RNF125: variants seen among roughly 807,000 people sequenced by gnomAD.
RNF125 encodes ring finger protein 125.
A neutral mutation model predicts 26.0 loss-of-function variants in RNF125; 21 were observed. The ratio of observed to expected loss-of-function variants is 0.81; its 90% CI spans 0.57 to 1.16. The LOEUF (loss-of-function observed/expected upper bound fraction) is 1.16. RNF125 is among the 50% of genes most tolerant of loss of function. RNF125 has a pLI of 0.00. For missense variants in RNF125, 270 were observed against 299.4 expected (o/e 0.90, Z 0.72); for synonymous variants, 95 against 109.2 (o/e 0.87, Z 0.81).
At chr18:32,037,463 C>T (rs1295097095) in intron 2 of RNF125, among the ~76,000 whole-genome samples, 194 bp downstream of exon 2, 1 of 150,086 alleles carries the variant, frequency 6.7e-6, no homozygotes, top group Non-Finnish European at 1.5e-5. Context: ...CCTCCGCCTC[C>T]CAGGTTCAAG....
chr18:32,059,721 T>C lies in RNF125; in HGVS notation c.505-6181T>C, dbSNP rs1225934582. Among the ~76,000 whole-genome samples, 3 of 152,212 alleles carry C rather than the reference T, an allele frequency of 2.0e-5. No individual in the cohort carries two copies. The East Asian group carries it at 5.8e-4, about 29-fold the overall frequency. On this transcript the variant is annotated intron_variant, in intron 4 of 5. Transcript: ENST00000217740. ...TCAATGTCCTGGAGAGTTTCTCCAA[T>C]GTTTTCTTTTAGTAGTTTCATAGTT... is the stretch of plus-strand genomic sequence containing the variant.
At chr18:32,078,914 A>C in the RNF125 span, among the ~76,000 whole-genome samples, 1 of 152,164 alleles carries the variant, frequency 6.6e-6, no homozygotes, top group African/African-American at 2.4e-5. Flanking sequence ...TATTTTTCTG[A>C]AAAGACTTCC....
intron 4 of RNF125, among the ~76,000 whole-genome samples, chr18:32,051,343 G>A (rs994065834): frequency 2.0e-5 from 3 of 152,122 alleles, no homozygotes; most frequent in East Asian, 3.9e-4. Flanking sequence ...CAGGCTGGGC[G>A]CGGTGGCTCA....
In RNF125 at chr18:32,071,176, C is replaced by G. The variant is rs182136881; in HGVS notation, c.*2792C>G. 788 of 151,612 alleles carry G rather than the reference C, an allele frequency of 5.2e-3. 10 individuals carry two copies. Among genetic ancestry groups the G allele is most frequent in the Non-Finnish European group, 8.6e-3 (588 of 68,078 alleles). 9.4% of individuals were successfully genotyped at this position (151,612 alleles called of 1,614,324 possible). Reference sequence around the variant, plus strand: ...TTGAGGAGGAATCTTGCTCTGTTGCCCAGGCTGGAGTGCAGTGGTGTGATC... The same window carrying G: ...TTGAGGAGGAATCTTGCTCTGTTGCGCAGGCTGGAGTGCAGTGGTGTGATC... On this transcript the variant is annotated 3_prime_UTR_variant, in exon 6 of 6. Transcript: ENST00000217740.
intron 1 of RNF125, among the ~76,000 whole-genome samples, chr18:32,028,410 G>C (rs1329820942): frequency 6.6e-6 from 1 of 151,480 alleles, no homozygotes; most frequent in African/African-American, 2.4e-5. Context: ...TTGGGCAGGG[G>C]AGACCTCAGA....
intron 4 of RNF125, among the ~76,000 whole-genome samples, chr18:32,052,180 GA>G (rs201727298): frequency 6.0e-5 from 9 of 150,154 alleles, no homozygotes; most frequent in East Asian, 3.9e-4. Flanking sequence ...ATTCTGGAAG[GA>G]AAAAAAAATC....
chr18:32,071,697 C>G lies in RNF125; in HGVS notation c.*3313C>G, dbSNP rs1230772358. 1 of 152,134 alleles carries G rather than the reference C, an allele frequency of 6.6e-6. No individual in the cohort carries two copies. The highest frequency in any genetic ancestry group is 2.4e-5 in the African/African-American group (1 of 41,424). The allele number at this position is 152,134 out of a possible 1,614,324, so 9.4% of individuals were successfully genotyped here. A position where few individuals can be genotyped will look rare whatever the true frequency, so the allele number is the denominator to read the frequency against. On this transcript the variant is annotated 3_prime_UTR_variant, in exon 6 of 6. Transcript: ENST00000217740. ...AATTTTCTATAAGTTATTGTAACTC[C>G]TTAAAGGTCTTGCTACAGTTCTTTT...
At chr18:32,064,266 T>G (rs2039461555) in intron 4 of RNF125, among the ~76,000 whole-genome samples, 1 of 152,052 alleles carries the variant, frequency 6.6e-6, no homozygotes, top group African/African-American at 2.4e-5. Flanking sequence ...ATGACAGGCA[T>G]GAGCCACGGC....
chr18:32,040,962 CT>C (rs2039210711), intron 2 of RNF125, among the ~76,000 whole-genome samples: 1 of 152,110 alleles, frequency 6.6e-6, no homozygotes. Flanking sequence ...GGGTTTTGTT[CT>C]TACTTTTCAC....
chr18:32,072,544 A>G lies in RNF125; in HGVS notation c.*4160A>G, dbSNP rs1168868418. 1.3e-5 allele frequency: 2 copies of G among 152,196 alleles called. No homozygotes were observed. Among genetic ancestry groups the G allele is most frequent in the East Asian group, 3.8e-4 (2 of 5,196 alleles). The allele number at this position is 152,196 out of a possible 1,614,324, so 9.4% of individuals were successfully genotyped here. ...CTTTTATGATAATTTTGCCACCTACAGGACAGATTAGGTGCTGGTCGCCTG... is the reference window on the plus strand; with the variant it reads ...CTTTTATGATAATTTTGCCACCTACGGGACAGATTAGGTGCTGGTCGCCTG... On this transcript the variant is annotated 3_prime_UTR_variant, in exon 6 of 6. Coordinates refer to ENST00000217740, the MANE Select transcript of RNF125 (RefSeq NM_017831.4).
chr18:32,084,273 T>C, the RNF125 span, among the ~76,000 whole-genome samples: 1 of 152,160 alleles, frequency 6.6e-6, no homozygotes, highest in African/African-American at 2.4e-5. Context: ...GGGAATCGCT[T>C]GAACCCAGGA....
intron 4 of RNF125, among the ~76,000 whole-genome samples, chr18:32,051,038 T>G (rs2039322318): frequency 6.6e-6 from 1 of 151,854 alleles, no homozygotes; most frequent in South Asian, 2.1e-4. Context: ...GTTCTCTTTC[T>G]TTCACTGGTT....
At position 32,037,119 on chromosome 18, in the gene RNF125, C is replaced by T. The variant is rs763725087; in HGVS notation, c.168C>T (p.Phe56=). ...QPVRTRCGHV[F]CRSCIATSLK... ...ATTTTTGGTCTGTTTGGGGTAGATT[C>T]TGCCGTTCCTGTATTGCTACCAGTC... Residue 56 remains phenylalanine (F), a synonymous_variant, in exon 2 of 6, where the codon TTC becomes TTT. Coordinates refer to ENST00000217740, the MANE Select transcript of RNF125 (RefSeq NM_017831.4). 1.2e-6 allele frequency: 2 copies of T among 1,601,944 alleles called. No homozygotes were observed. Among genetic ancestry groups the T allele is most frequent in the South Asian group, 2.2e-5 (2 of 89,036 alleles).
chr18:32,021,655 G>A (rs965595617), intron 1 of RNF125, among the ~76,000 whole-genome samples: 3 of 152,230 alleles, frequency 2.0e-5, no homozygotes, highest in East Asian at 1.9e-4. Context: ...AACAGTGGGC[G>A]TTTTGAAGAT....
intron 4 of RNF125, among the ~76,000 whole-genome samples, chr18:32,061,851 G>A (rs1374584149): frequency 1.3e-5 from 2 of 152,202 alleles, no homozygotes; most frequent in Non-Finnish European, 2.9e-5. Context: ...TAATGACTGA[G>A]CTTTATAATA....
At chr18:32,067,835 T>C (rs1444413370) in intron 5 of RNF125, among the ~76,000 whole-genome samples, 1 of 152,196 alleles carries the variant, frequency 6.6e-6, no homozygotes, top group African/African-American at 2.4e-5. Context: ...TGTGCTGACA[T>C]AGAATTTTGA....
chr18:32,077,334 A>AT (rs552701343), downstream of RNF125, among the ~76,000 whole-genome samples: 11,534 of 107,758 alleles, frequency 0.11, 1,184 homozygotes, highest in African/African-American at 0.23. Flanking sequence ...CCCTCTCCCC[A>AT]TTTTTTTTTT....
At chr18:32,028,297 T>TAAA (rs1156859954) in intron 1 of RNF125, among the ~76,000 whole-genome samples, 41 of 72,390 alleles carry the variant, frequency 5.7e-4, no homozygotes, top group Non-Finnish European at 7.4e-4. Flanking sequence ...GACTCCGTCT[T>TAAA]AAAAAAAAAA....
At position 32,054,146 on chromosome 18, in the gene RNF125, C is replaced by T. The variant is rs181454156; in HGVS notation, c.504+8414C>T. Among the ~76,000 whole-genome samples the T allele has an allele frequency of 7.2e-4, 99 of 138,302 alleles. 2 individuals are homozygous for T. In the East Asian group the frequency reaches 0.019, roughly 27 times the overall value. 90.7% of individuals were successfully genotyped at this position (138,302 alleles called of 152,430 possible). On this transcript the variant is annotated intron_variant, in intron 4 of 5. Coordinates refer to ENST00000217740, the MANE Select transcript of RNF125 (RefSeq NM_017831.4). ...TTCACTCTTGTCACCCAGGCTGGAGCGCAGTGGCGTGGTCTCGGCTCGGAG... is the reference window on the plus strand; with the variant it reads ...TTCACTCTTGTCACCCAGGCTGGAGTGCAGTGGCGTGGTCTCGGCTCGGAG...
Sources: gnomAD v4.1 joint callset for allele counts (sites outside exome capture counted in the v4.1 genomes callset) on GRCh38, gnomAD v4.1.1 for gene constraint, MANE v1.5 for transcripts, NCBI Gene and HGNC (gene_info 2026-07-23, HGNC 2026-07-21) for gene names.